The following TMPRSS9 variants were observed in gnomAD, a reference collection of about 807,000 sequenced individuals.
TMPRSS9 encodes the protein transmembrane protease serine 9.
TMPRSS9 carries 113 observed loss-of-function variants against 111.4 expected under a neutral mutation model. The observed-to-expected ratio is 1.01, with a 90% CI of 0.87 to 1.19. TMPRSS9 has a LOEUF of 1.19. Ranked by LOEUF, TMPRSS9 falls within the 50% of genes most tolerant of loss-of-function variation. The pLI is 0.00. For synonymous variants in TMPRSS9, 805 were observed against 659.1 expected (o/e 1.22, Z -3.39); for missense variants, 1,803 against 1,513.1 (o/e 1.19, Z -3.18).
intron 7 of TMPRSS9, among the ~76,000 whole-genome samples, chr19:2,407,840 A>T (rs1971003980): frequency 6.6e-6 from 1 of 151,790 alleles, no homozygotes; most frequent in Non-Finnish European, 1.5e-5. Flanking sequence ...GCTGGAGTGC[A>T]GTGGCACAAT....
chr19:2,421,342 G>A (rs1174017078), intron 13 of TMPRSS9, among the ~76,000 whole-genome samples: 1 of 151,288 alleles, frequency 6.6e-6, no homozygotes, highest in African/African-American at 2.4e-5. Flanking sequence ...AGGCTGGAGT[G>A]CAGTGGTGCG....
Position 2,415,716 on chromosome 19 carries a change from CG to C in TMPRSS9, c.1623del (p.Phe542SerfsTer14). 6.2e-7 allele frequency: 1 copy of C among 1,608,292 alleles called. No homozygotes were observed. Among genetic ancestry groups the C allele is most frequent in the Non-Finnish European group, 8.5e-7 (1 of 1,177,264 alleles). ...TGGAGAAGCCCACCCGGGTCGTGGGCGGGTTCGGAGCTGCCTCCGGGGAGGT... is the reference window on the plus strand; with the variant it reads ...TGGAGAAGCCCACCCGGGTCGTGGGCGGTTCGGAGCTGCCTCCGGGGAGGT... On this transcript the variant is annotated frameshift_variant, in exon 11 of 18. Transcript: ENST00000648592. LOFTEE classifies it high-confidence loss of function.
At chr19:2,389,701 G>T, upstream of TMPRSS9, 1 of 1,489,382 alleles carries the variant, frequency 6.7e-7, no homozygotes, top group South Asian at 1.3e-5. Context: ...CCTTGCTTAT[G>T]GGAAGAGAAG....
At chr19:2,425,612 A>T in intron 17 of TMPRSS9, 119 bp downstream of exon 18, 2 of 1,377,384 alleles carry the variant, frequency 1.5e-6, no homozygotes, top group Non-Finnish European at 1.9e-6. Context: ...TCTCCAGCGG[A>T]TCAAGCAGGG....
chr19:2,424,397 T>A (rs1599321227), intron 15 of TMPRSS9, 140 bp downstream of exon 16: 1 of 864,626 alleles, frequency 1.2e-6, no homozygotes, highest in Non-Finnish European at 1.5e-6. Context: ...CCCAGGCCAC[T>A]CCTCCCACCC....
At chr19:2,417,701 G>A (rs1971281899) in intron 12 of TMPRSS9, among the ~76,000 whole-genome samples, 1 of 152,066 alleles carries the variant, frequency 6.6e-6, no homozygotes, top group Admixed American at 6.6e-5. Context: ...AGTCTATCCC[G>A]AGACCCCTCC....
chr19:2,381,852 A>G (rs1483037501), intron 1 of TMPRSS9, among the ~76,000 whole-genome samples: 1 of 152,130 alleles, frequency 6.6e-6, no homozygotes, highest in Non-Finnish European at 1.5e-5. Context: ...TCATTCATTC[A>G]TTTATTTTGA....
In TMPRSS9 at chr19:2,398,875, T is replaced by A. The variant is rs998139932; in HGVS notation, c.338+13T>A. On this transcript the variant is annotated intron_variant, in intron 3 of 17. Transcript: ENST00000648592. ...TACTGAATTATAGGTGAGTTGGAGC[T>A]TCCATTGGGTGAAGGAAACTTGGTG... is the stretch of plus-strand genomic sequence containing the variant. 3.3e-6 allele frequency: 5 copies of A among 1,527,862 alleles called. No individual in the cohort carries two copies. The highest frequency in any genetic ancestry group is 4.4e-6 in the Non-Finnish European group (5 of 1,142,340). 94.6% of individuals were successfully genotyped at this position (1,527,862 alleles called of 1,614,324 possible).
At chr19:2,404,898 C>G (rs1970936097) in intron 6 of TMPRSS9, among the ~76,000 whole-genome samples, 1 of 148,400 alleles carries the variant, frequency 6.7e-6, no homozygotes, top group African/African-American at 2.5e-5. Context: ...CGCCACTGCA[C>G]TCCAGCCTGG....
exon 2 of TMPRSS9, chr19:2,396,666 G>A (rs1599291736): frequency 6.2e-7 from 1 of 1,605,780 alleles, no homozygotes; most frequent in East Asian, 2.2e-5. Context: ...TGGAGGCACT[G>A]GTGAGGGTGG....
At chr19:2,367,788 C>G (rs932144662) in intron 1 of TMPRSS9, among the ~76,000 whole-genome samples, 9 of 151,938 alleles carry the variant, frequency 5.9e-5, no homozygotes, top group Non-Finnish European at 2.9e-5. Context: ...TGGTCTTGAA[C>G]TCTTGACCTC....
chr19:2,411,335 A>G (rs1971091729), intron 9 of TMPRSS9, among the ~76,000 whole-genome samples: 1 of 122,940 alleles, frequency 8.1e-6, no homozygotes, highest in African/African-American at 3.1e-5. Context: ...AAAAAAAAAG[A>G]GAAAATCAGG....
At chr19:2,417,827 A>C (rs1971286215) in intron 12 of TMPRSS9, among the ~76,000 whole-genome samples, 175 bp from the exon 14 acceptor site, 1 of 152,108 alleles carries the variant, frequency 6.6e-6, no homozygotes, top group Non-Finnish European at 1.5e-5. Context: ...TGAGCGGGCC[A>C]TCAGGCCCAC....
intron 1 of TMPRSS9, among the ~76,000 whole-genome samples, chr19:2,392,940 C>G (rs1371444956): frequency 1.3e-5 from 2 of 151,968 alleles, no homozygotes; most frequent in Admixed American, 6.6e-5. Flanking sequence ...ACTTGGAGAA[C>G]TTTTGTGTCT....
rs576257093 is a variant in TMPRSS9 at position 2,411,035 on chromosome 19, C to T, written c.1254+641C>T. 3.3e-4 allele frequency among the ~76,000 whole-genome samples: 50 copies of T among 152,138 alleles called. 1 individual carries two copies. In the South Asian group the frequency reaches 8.9e-3, roughly 27 times the overall value. On this transcript the variant is annotated intron_variant, in intron 9 of 17. Transcript: ENST00000648592. ...GGTTCCAGGGCTGGGCACGGTGGCT[C>T]ACGCCTGTAATCCCAGCACTATGCG...
chr19:2,397,077 C>T (rs1397841001), intron 2 of TMPRSS9, among the ~76,000 whole-genome samples: 2 of 151,450 alleles, frequency 1.3e-5, no homozygotes, highest in African/African-American at 4.9e-5. Flanking sequence ...CACGCCACCA[C>T]GTCCAGCTGA....
chr19:2,380,658 C>A (rs574258583), intron 1 of TMPRSS9, among the ~76,000 whole-genome samples: 13 of 151,212 alleles, frequency 8.6e-5, no homozygotes, highest in African/African-American at 3.2e-4. Flanking sequence ...AGAATGCAGC[C>A]CAGCTAACAC....
Position 2,418,198 on chromosome 19 carries a change from CCAG to C in TMPRSS9, c.2154+64_2154+66del, listed in dbSNP as rs896276348. On this transcript the variant is annotated intron_variant, in intron 13 of 17. Coordinates refer to ENST00000648592, the Ensembl canonical transcript of TMPRSS9. Reference sequence around the variant, plus strand: ...CCATGAAATGCCCACAGCCGTTCACCCAGCAGTTCTTTGTGTGCAGACCTAGAT... The same window carrying C: ...CCATGAAATGCCCACAGCCGTTCACCCAGTTCTTTGTGTGCAGACCTAGAT... 1.1e-5 allele frequency: 18 copies of C among 1,605,664 alleles called. No homozygotes were observed. In the African/African-American group the frequency reaches 2.4e-4, roughly 22 times the overall value.
At chr19:2,410,542 A>C in intron 9 of TMPRSS9, 148 bp downstream of exon 10, 1 of 1,158,150 alleles carries the variant, frequency 8.6e-7, no homozygotes, top group East Asian at 2.6e-5. Flanking sequence ...GCGTGTTCAA[A>C]TGCTGGGCGA....
Sources: gnomAD v4.1 joint callset for allele counts (sites outside exome capture counted in the v4.1 genomes callset) on GRCh38, gnomAD v4.1.1 for gene constraint, MANE v1.5 for transcripts, NCBI Gene and HGNC (gene_info 2026-07-23, HGNC 2026-07-21) for gene names.